Variants in THRAP3 observed in about 807,000 individuals in gnomAD.
THRAP3 encodes thyroid hormone receptor associated protein 3.
Under a neutral mutation model 101.0 loss-of-function variants are expected in THRAP3, and 16 were observed. That is an observed-to-expected ratio of 0.16 (90% confidence interval 0.11 to 0.24). The LOEUF is 0.24. THRAP3 is among the 10% of genes least tolerant of loss of function. THRAP3 has a pLI of 1.00. For synonymous variants in THRAP3, 407 were observed against 422.6 expected (o/e 0.96, Z 0.45); for missense variants, 989 against 1,202.7 (o/e 0.82, Z 2.63).
intron 2 of THRAP3, 83 bp from the exon 3 acceptor site, chr1:36,282,450 G>T: frequency 8.2e-6 from 8 of 972,724 alleles, no homozygotes; most frequent in African/African-American, 1.7e-5. Context: ...CAGATTAAAA[G>T]AAATGTGTTT....
chr1:36,227,938 C>T (rs1347123419), intron 1 of THRAP3, among the ~76,000 whole-genome samples: 3 of 151,910 alleles, frequency 2.0e-5, no homozygotes, highest in Middle Eastern at 3.4e-3. Flanking sequence ...TGTGGTGGTG[C>T]GATCTCGGCT....
intron 2 of THRAP3, 87 bp from the exon 3 acceptor site, chr1:36,282,446 A>G: frequency 9.5e-7 from 1 of 1,047,164 alleles, no homozygotes. Flanking sequence ...TGCCCAGATT[A>G]AAAGAAATGT....
At position 36,286,348 on chromosome 1, in the gene THRAP3, C is replaced by A; in HGVS notation, c.138-20C>A. On this transcript the variant is annotated intron_variant, in intron 3 of 11. Coordinates refer to ENST00000354618, the MANE Select transcript of THRAP3 (RefSeq NM_005119.4). The surrounding 1 kb of genome is among the most constrained non-coding windows in gnomAD (Gnocchi z 5.5). Reference sequence around the variant, plus strand: ...TTGTGTCAAAAATTCAAACATTTGTCTCTTTCCTTTCCATTCCAGTTCTAG... The same window carrying A: ...TTGTGTCAAAAATTCAAACATTTGTATCTTTCCTTTCCATTCCAGTTCTAG... 2 of 1,545,296 alleles carry A rather than the reference C, an allele frequency of 1.3e-6. No individual in the cohort carries two copies. The highest frequency in any genetic ancestry group is 1.2e-5 in the South Asian group (1 of 80,942).
intron 9 of THRAP3, among the ~76,000 whole-genome samples, chr1:36,297,983 GA>G (rs574500754): frequency 2.2e-3 from 293 of 135,842 alleles, no homozygotes; most frequent in African/African-American, 2.7e-3. Context: ...TGTCTCTACT[GA>G]AAAAAAAAAA....
At chr1:36,237,458 A>T (rs1216625788) in intron 1 of THRAP3, among the ~76,000 whole-genome samples, 1 of 147,474 alleles carries the variant, frequency 6.8e-6, no homozygotes, top group Non-Finnish European at 1.5e-5. Context: ...GCAGGAGTGA[A>T]ACTTCATCTC....
At chr1:36,250,969 A>G (rs1315938500) in intron 1 of THRAP3, among the ~76,000 whole-genome samples, 2 of 150,830 alleles carry the variant, frequency 1.3e-5, no homozygotes, top group African/African-American at 4.9e-5. Context: ...CTGGTCTTGA[A>G]CTCCTAAGCT....
At chr1:36,265,183 A>T (rs1433274025) in intron 2 of THRAP3, among the ~76,000 whole-genome samples, 1 of 152,240 alleles carries the variant, frequency 6.6e-6, no homozygotes, top group Non-Finnish European at 1.5e-5. Context: ...ACTGTAAATA[A>T]CATCTTACAT....
chr1:36,272,357 C>T (rs1246859434), intron 2 of THRAP3, among the ~76,000 whole-genome samples: 2 of 152,052 alleles, frequency 1.3e-5, no homozygotes, highest in African/African-American at 4.8e-5. Flanking sequence ...ACTTGAGAGC[C>T]ACTTAATAGC....
chr1:36,280,365 A>T (rs1020236873), intron 2 of THRAP3, among the ~76,000 whole-genome samples: 11 of 152,264 alleles, frequency 7.2e-5, no homozygotes, highest in African/African-American at 1.4e-4. Flanking sequence ...TTCTAATTAA[A>T]GACAGAATAA....
At chr1:36,285,348 A>G (rs1645782163) in intron 3 of THRAP3, among the ~76,000 whole-genome samples, 1 of 152,260 alleles carries the variant, frequency 6.6e-6, no homozygotes, top group African/African-American at 2.4e-5. Context: ...CATAGTAGAT[A>G]GGAAAAGTGG....
At chr1:36,248,004 C>T (rs1056874082) in intron 1 of THRAP3, among the ~76,000 whole-genome samples, 4 of 151,742 alleles carry the variant, frequency 2.6e-5, no homozygotes, top group East Asian at 1.9e-4. Context: ...CTCAGCCCCC[C>T]GAGTAGCTGG....
intron 1 of THRAP3, among the ~76,000 whole-genome samples, chr1:36,238,345 A>C (rs964009934): frequency 5.3e-5 from 8 of 152,352 alleles, no homozygotes; most frequent in African/African-American, 1.9e-4. Flanking sequence ...GAAATTAGGC[A>C]TTAAGTACTT....
At chr1:36,288,889 G>C in intron 4 of THRAP3, 171 bp from the exon 5 acceptor site, 3 of 985,302 alleles carry the variant, frequency 3.0e-6, no homozygotes, top group African/African-American at 1.7e-5. Flanking sequence ...ACTGTGAATG[G>C]CAGTTTTCAG....
At chr1:36,276,484 A>G (rs1403467646) in intron 2 of THRAP3, among the ~76,000 whole-genome samples, 1 of 148,640 alleles carries the variant, frequency 6.7e-6, no homozygotes, top group African/African-American at 2.5e-5. Context: ...AGATCGTGCC[A>G]CTGCACTCCA....
intron 1 of THRAP3, among the ~76,000 whole-genome samples, chr1:36,232,795 T>TA (rs1570228567): frequency 6.6e-6 from 1 of 152,106 alleles, no homozygotes; most frequent in East Asian, 1.9e-4. Flanking sequence ...GGCAAGAGGG[T>TA]ACTTTCTGGA....
At chr1:36,247,815 A>G (rs566088885) in intron 1 of THRAP3, among the ~76,000 whole-genome samples, 4 of 151,340 alleles carry the variant, frequency 2.6e-5, no homozygotes, top group Admixed American at 1.3e-4. Flanking sequence ...ATGTTGCCCA[A>G]CTTATTCCTC....
intron 1 of THRAP3, among the ~76,000 whole-genome samples, chr1:36,238,587 C>G (rs1376844390): frequency 6.6e-6 from 1 of 152,066 alleles, no homozygotes; most frequent in African/African-American, 2.4e-5. Context: ...AGATCTCTTC[C>G]CACTGGTTAG....
chr1:36,228,162 C>T (rs915820787), intron 1 of THRAP3, among the ~76,000 whole-genome samples: 2 of 151,766 alleles, frequency 1.3e-5, no homozygotes, highest in Admixed American at 6.6e-5. Context: ...TTCTCCCTGC[C>T]TTAGCCTCCT....
rs533841192 is a variant in THRAP3, at chr1:36,257,088, C to T, written c.-134-2294C>T. 2.0e-5 allele frequency among the ~76,000 whole-genome samples: 3 copies of T among 152,286 alleles called. No individual in the cohort carries two copies. In the South Asian group the frequency reaches 6.2e-4, roughly 32 times the overall value. On this transcript the variant is annotated intron_variant, in intron 1 of 11. Coordinates refer to ENST00000354618, the MANE Select transcript of THRAP3 (RefSeq NM_005119.4). Reference sequence around the variant, plus strand: ...GTGGGATTACAGGTGTGAGCCACCGCGCTTGGCCAACATTGCAGACATTCT... The same window carrying T: ...GTGGGATTACAGGTGTGAGCCACCGTGCTTGGCCAACATTGCAGACATTCT...
Sources: allele counts gnomAD v4.1 joint callset (sites outside exome capture counted in the v4.1 genomes callset), GRCh38; gene constraint gnomAD v4.1.1; non-coding constraint Gnocchi (gnomAD v3.1); transcripts MANE v1.5; gene names NCBI Gene and HGNC (gene_info 2026-07-23, HGNC 2026-07-21).